MRPL45: variants seen among roughly 807,000 people sequenced by gnomAD.
The protein encoded by MRPL45 is mitochondrial ribosomal protein L45, also known as large ribosomal subunit protein mL45.
MRPL45 carries 20 observed loss-of-function variants against 38.1 expected under a neutral mutation model. That is an observed-to-expected ratio of 0.53 (90% CI 0.37 to 0.76). The LOEUF is 0.76. Ranked by LOEUF, MRPL45 falls within the 30% of genes least tolerant of loss-of-function variation. The pLI is 0.00. For missense variants in MRPL45, 337 were observed against 395.6 expected (o/e 0.85, Z 1.26); for synonymous variants, 105 against 128.8 (o/e 0.82, Z 1.25).
At position 38,300,317 on chromosome 17, in the gene MRPL45, A is replaced by T. The variant is rs574106562; in HGVS notation, c.362+849A>T. Among the ~76,000 whole-genome samples, 3 of 151,654 alleles carry T rather than the reference A, an allele frequency of 2.0e-5. No homozygotes were observed. The East Asian group carries it at 5.8e-4, about 30-fold the overall frequency. On this transcript the variant is annotated intron_variant, in intron 3 of 7. Transcript: ENST00000613675. ...AGGCGTGAGCCACTGCGCCCAGCCGACCTGGCTAATTTTTAAAAGAAATTT... is the reference window on the plus strand; with the variant it reads ...AGGCGTGAGCCACTGCGCCCAGCCGTCCTGGCTAATTTTTAAAAGAAATTT...
At chr17:38,304,569 A>C (rs1397313896) in intron 3 of MRPL45, among the ~76,000 whole-genome samples, 1 of 151,976 alleles carries the variant, frequency 6.6e-6, no homozygotes, top group African/African-American at 2.4e-5. Flanking sequence ...TTTGAGACGG[A>C]GTCTCACTCT....
At chr17:38,320,455 A>T (rs1597657086) in intron 5 of MRPL45, among the ~76,000 whole-genome samples, 163 bp from the exon 6 acceptor site, 1 of 152,076 alleles carries the variant, frequency 6.6e-6, no homozygotes, top group East Asian at 1.9e-4. Flanking sequence ...TAGCTTAATC[A>T]AAACTTGAGA....
intron 6 of MRPL45, among the ~76,000 whole-genome samples, chr17:38,321,550 G>A (rs1437042660): frequency 1.3e-5 from 2 of 152,104 alleles, no homozygotes; most frequent in South Asian, 4.1e-4. Flanking sequence ...AATTGGCCGG[G>A]CATCATGGTG....
At chr17:38,317,314 T>C (rs2037183805) in intron 4 of MRPL45, among the ~76,000 whole-genome samples, 1 of 152,200 alleles carries the variant, frequency 6.6e-6, no homozygotes, top group Non-Finnish European at 1.5e-5. Flanking sequence ...ACTTGGAATC[T>C]TTCCTATTAG....
rs370466725 is a variant in MRPL45, at chr17:38,320,653, C to T, written c.546C>T (p.Arg182=). 1.7e-5 allele frequency: 28 copies of T among 1,614,040 alleles called. No individual in the cohort carries two copies. In the African/African-American group the frequency reaches 3.3e-4, roughly 19 times the overall value. The change falls in exon 6 of 8, where the codon CGC becomes CGT. Residue 182 remains arginine (R), a synonymous_variant. Transcript: ENST00000613675. The stretch of plus-strand genomic sequence containing the variant: ...GGGACATCAAATATAAGACCGTCCG[C>T]TGGAGCTTTGTGGAATCTTTAGAGC... The part of the protein sequence containing the change: ...MTWDIKYKTV[R]WSFVESLEPS...
intron 4 of MRPL45, among the ~76,000 whole-genome samples, chr17:38,308,182 G>A (rs1342297836): frequency 2.6e-5 from 4 of 151,948 alleles, no homozygotes; most frequent in African/African-American, 9.7e-5. Flanking sequence ...TGTCATCCAG[G>A]CTGGAGTGCA....
chr17:38,305,926 A>G (rs1432081523), intron 3 of MRPL45, among the ~76,000 whole-genome samples: 2 of 151,740 alleles, frequency 1.3e-5, no homozygotes, highest in African/African-American at 4.8e-5. Context: ...TACAGACGTG[A>G]GCCACCGCGC....
intron 4 of MRPL45, among the ~76,000 whole-genome samples, chr17:38,316,737 C>CAAAA (rs61383463): frequency 4.9e-5 from 3 of 61,210 alleles, no homozygotes; most frequent in Non-Finnish European, 9.3e-5. Flanking sequence ...TGGTGCAATC[C>CAAAA]AAAAAAAAAA....
At chr17:38,317,380 C>T (rs549173357) in intron 4 of MRPL45, among the ~76,000 whole-genome samples, 45 of 152,222 alleles carry the variant, frequency 3.0e-4, no homozygotes, top group East Asian at 7.7e-4. Context: ...CTTACCCATT[C>T]TGGGCTTAGA....
At chr17:38,308,729 C>G (rs537480873) in intron 4 of MRPL45, among the ~76,000 whole-genome samples, 77 of 151,686 alleles carry the variant, frequency 5.1e-4, no homozygotes, top group African/African-American at 1.6e-3. Context: ...CGTGAGCCAA[C>G]GCGCCCGGCC....
rs1424465558 is a variant in MRPL45 at position 38,312,984 on chromosome 17, G to GGT, written c.462-5703_462-5702insGT. On this transcript the variant is annotated intron_variant, in intron 4 of 7. Coordinates refer to ENST00000613675, the MANE Select transcript of MRPL45 (RefSeq NM_032351.6). ...ATACCTATTACTTTCCTTTTTATTGGTTTTTTTTTTTTTTTTTTGAGATGG... is the reference window on the plus strand; with the variant it reads ...ATACCTATTACTTTCCTTTTTATTGGGTTTTTTTTTTTTTTTTTTTGAGATGG... 1.2e-3 allele frequency among the ~76,000 whole-genome samples: 132 copies of GGT among 113,684 alleles called. 2 individuals are homozygous for GGT. The highest frequency in any genetic ancestry group is 8.9e-3 in the Admixed American group (77 of 8,658). 74.6% of individuals were successfully genotyped at this position (113,684 alleles called of 152,430 possible).
Position 38,322,836 on chromosome 17 carries a change from T to C in MRPL45, c.*241T>C, listed in dbSNP as rs2037245257. 2 of 502,140 alleles carry C rather than the reference T, an allele frequency of 4.0e-6. No individual in the cohort carries two copies. Among genetic ancestry groups the C allele is most frequent in the South Asian group, 5.9e-5 (2 of 34,140 alleles). 31.1% of individuals were successfully genotyped at this position (502,140 alleles called of 1,614,324 possible). A position where few individuals can be genotyped will look rare whatever the true frequency, so the allele number is the denominator to read the frequency against. On this transcript the variant is annotated 3_prime_UTR_variant, in exon 8 of 8. Coordinates refer to ENST00000613675, the MANE Select transcript of MRPL45 (RefSeq NM_032351.6). ...TTTATGTCTAGCTTCTGAGTCTAGATGAAAGACAGTATGTTTCAGAGAACA... is the reference window on the plus strand; with the variant it reads ...TTTATGTCTAGCTTCTGAGTCTAGACGAAAGACAGTATGTTTCAGAGAACA...
chr17:38,306,180 C>T lies in MRPL45; in HGVS notation c.363-353C>T, dbSNP rs566074275. 3.8e-3 allele frequency among the ~76,000 whole-genome samples: 573 copies of T among 151,656 alleles called. 4 individuals are homozygous for T. The highest frequency in any genetic ancestry group is 0.013 in the African/African-American group (547 of 41,428). On this transcript the variant is annotated intron_variant, in intron 3 of 7. Coordinates refer to ENST00000613675, the MANE Select transcript of MRPL45 (RefSeq NM_032351.6). Reference sequence around the variant, plus strand: ...ATCCCAGGACTTTGGGAGGCCGAGGCGGGCGGATCCTGAGGTCAGGAGATC... The same window carrying T: ...ATCCCAGGACTTTGGGAGGCCGAGGTGGGCGGATCCTGAGGTCAGGAGATC...
At chr17:38,320,840 G>A in intron 6 of MRPL45, 73 bp downstream of exon 6, 4 of 1,484,840 alleles carry the variant, frequency 2.7e-6, no homozygotes. Context: ...TGGAGTGCTG[G>A]GTATGGTTGC....
intron 3 of MRPL45, among the ~76,000 whole-genome samples, chr17:38,304,519 G>A (rs1021452985): frequency 4.6e-5 from 7 of 152,050 alleles, no homozygotes; most frequent in African/African-American, 1.7e-4. Flanking sequence ...TAAAAGCACT[G>A]CTCTGTTGTC....
At chr17:38,297,846 C>T (rs1479850710) in intron 1 of MRPL45, among the ~76,000 whole-genome samples, 1 of 152,124 alleles carries the variant, frequency 6.6e-6, no homozygotes, top group Non-Finnish European at 1.5e-5. Flanking sequence ...ACTTGTAATC[C>T]CAGCACTTTG....
rs757278364 is a variant in MRPL45, at chr17:38,322,315, T to A, written c.834+16T>A. 1 of 1,612,648 alleles carries A rather than the reference T, an allele frequency of 6.2e-7. No individual in the cohort carries two copies. On this transcript the variant is annotated intron_variant, in intron 7 of 7. Transcript: ENST00000613675. ...CATCCTTAAGGTAAGGTGGCTTGCA[T>A]GGTTTAAGAGAGCTGAGGCACTACT...
chr17:38,312,569 A>G (rs753064762), intron 4 of MRPL45, among the ~76,000 whole-genome samples: 1 of 151,998 alleles, frequency 6.6e-6, no homozygotes, highest in Non-Finnish European at 1.5e-5. Context: ...TGATAACTCT[A>G]TGTTTAACTT....
intron 4 of MRPL45, among the ~76,000 whole-genome samples, chr17:38,309,963 A>G (rs1021588485): frequency 2.0e-5 from 3 of 151,514 alleles, no homozygotes; most frequent in African/African-American, 7.3e-5. Flanking sequence ...GCTCTTTTCT[A>G]TATTTTTCCA....
Sources: allele counts gnomAD v4.1 joint callset (sites outside exome capture counted in the v4.1 genomes callset), GRCh38; gene constraint gnomAD v4.1.1; transcripts MANE v1.5; gene names NCBI Gene and HGNC (gene_info 2026-07-23, HGNC 2026-07-21).